Variants in GPR158 observed in about 807,000 individuals in gnomAD.
The protein encoded by GPR158 is G protein-coupled receptor 158.
GPR158 carries 30 observed loss-of-function variants against 78.2 expected under a neutral mutation model. The observed-to-expected ratio is 0.38, with a 90% confidence interval of 0.29 to 0.52. GPR158 has a LOEUF of 0.52. Ranked by LOEUF, GPR158 falls within the 20% of genes least tolerant of loss-of-function variation. The pLI, the probability that GPR158 is intolerant of heterozygous loss-of-function variation, is 0.83. For missense variants in GPR158, 1,463 were observed against 1,523.5 expected, an observed-to-expected ratio of 0.96 and a Z score of 0.66; for synonymous variants, 581 against 591.1, an observed-to-expected ratio of 0.98 and a Z score of 0.25.
chr10:25,364,041 TATA>T (rs1855681474), intron 2 of GPR158, among the ~76,000 whole-genome samples: 1 of 151,936 alleles, frequency 6.6e-6, no homozygotes, highest in South Asian at 2.1e-4. Context: ...ATGCCTAGCG[TATA>T]ATAAGCACCA....
At chr10:25,588,346 C>T (rs1038706181) in intron 7 of GPR158, among the ~76,000 whole-genome samples, 1 of 152,148 alleles carries the variant, frequency 6.6e-6, no homozygotes, top group Admixed American at 6.5e-5. Flanking sequence ...CTGAAGTCCT[C>T]GTTCTTAGCT....
At chr10:25,312,708 T>C (rs1029704240) in intron 2 of GPR158, among the ~76,000 whole-genome samples, 9 of 152,160 alleles carry the variant, frequency 5.9e-5, no homozygotes, top group Non-Finnish European at 1.3e-4. Flanking sequence ...TTTGTTGAAC[T>C]GAATATTAAA....
intron 5 of GPR158, among the ~76,000 whole-genome samples, chr10:25,469,783 CAAAAA>C (rs34432893): frequency 4.2e-5 from 2 of 47,374 alleles, no homozygotes; most frequent in Non-Finnish European, 7.7e-5. Flanking sequence ...GACTCCATCT[CAAAAA>C]AAAAAAAAAA....
At chr10:25,318,667 T>C (rs906834697) in intron 2 of GPR158, among the ~76,000 whole-genome samples, 9 of 152,222 alleles carry the variant, frequency 5.9e-5, no homozygotes, top group Non-Finnish European at 7.3e-5. Flanking sequence ...GCTTCATTTA[T>C]TCTTACTGTT....
In GPR158 at chr10:25,598,434, A is replaced by G. The variant is rs761275479; in HGVS notation, c.2808A>G (p.Pro936=). ...GCACTAAATCCCAGAAACCTTTGCC[A>G]AAAGATAAAGAGACAAACAGAAATC... is the stretch of plus-strand genomic sequence containing the variant. The part of the protein sequence containing the change: ...EERTKSQKPL[P]KDKETNRNHS... Residue 936 remains proline, a synonymous_variant, in exon 11 of 11, where the codon CCA becomes CCG. Transcript: ENST00000376351. 1.4e-5 allele frequency: 22 copies of G among 1,614,018 alleles called. No individual in the cohort carries two copies. In the East Asian group the frequency reaches 4.7e-4, roughly 34 times the overall value.
At chr10:25,303,933 G>T (rs747858943) in intron 2 of GPR158, among the ~76,000 whole-genome samples, 1 of 152,172 alleles carries the variant, frequency 6.6e-6, no homozygotes, top group Non-Finnish European at 1.5e-5. Context: ...AGTCAAGAAT[G>T]TAAATTCCTA....
intron 5 of GPR158, among the ~76,000 whole-genome samples, chr10:25,479,041 A>G (rs1202720922): frequency 2.0e-5 from 3 of 151,758 alleles, no homozygotes; most frequent in African/African-American, 7.3e-5. Flanking sequence ...AATCCAATCT[A>G]TCATTGATGG....
chr10:25,448,986 ATATTT>A (rs1241121137), intron 4 of GPR158, among the ~76,000 whole-genome samples: 1 of 152,196 alleles, frequency 6.6e-6, no homozygotes, highest in Non-Finnish European at 1.5e-5. Flanking sequence ...TAATATGAAA[ATATTT>A]TATAGTATGT....
Position 25,250,725 on chromosome 10 carries a change from A to G in GPR158, c.1008+29568A>G, listed in dbSNP as rs969238103. ...TTTTACATTTACTGAGGAGAGCTTTACTTCCAAGTATGTGGTCAGTTTTGG... is the reference window on the plus strand; with the variant it reads ...TTTTACATTTACTGAGGAGAGCTTTGCTTCCAAGTATGTGGTCAGTTTTGG... On this transcript the variant is annotated intron_variant, in intron 2 of 10. Coordinates refer to ENST00000376351, the MANE Select transcript of GPR158 (RefSeq NM_020752.3). Among the ~76,000 whole-genome samples the G allele has an allele frequency of 2.1e-5, 3 of 142,318 alleles. 1 individual carries two copies. The highest frequency in any genetic ancestry group is 3.0e-5 in the Non-Finnish European group (2 of 65,848). The allele number at this position is 142,318 out of a possible 152,430, so 93.4% of individuals were successfully genotyped here. A position where few individuals can be genotyped will look rare whatever the true frequency, so the allele number is the denominator to read the frequency against.
At chr10:25,233,893 A>G (rs1431567942) in intron 2 of GPR158, among the ~76,000 whole-genome samples, 3 of 152,216 alleles carry the variant, frequency 2.0e-5, no homozygotes, top group African/African-American at 7.2e-5. Context: ...ATGTAAAACA[A>G]TGACCCTCTT....
intron 2 of GPR158, among the ~76,000 whole-genome samples, chr10:25,249,038 G>T (rs1405044948): frequency 6.6e-6 from 1 of 151,564 alleles, no homozygotes; most frequent in Non-Finnish European, 1.5e-5. Flanking sequence ...CACATCCCTT[G>T]TAAGTTGGAT....
intron 2 of GPR158, among the ~76,000 whole-genome samples, chr10:25,234,238 T>C (rs1853492959): frequency 6.6e-6 from 1 of 152,178 alleles, no homozygotes; most frequent in Admixed American, 6.6e-5. Flanking sequence ...ACTGGCAGAC[T>C]TTTATAACTC....
In GPR158 at chr10:25,464,581, G is replaced by A. The variant is rs149324412; in HGVS notation, c.1336-2070G>A. 7.6e-3 allele frequency among the ~76,000 whole-genome samples: 1,157 copies of A among 152,228 alleles called. 18 individuals are homozygous for A. Among genetic ancestry groups the A allele is most frequent in the African/African-American group, 0.025 (1,043 of 41,524 alleles). The stretch of plus-strand genomic sequence containing the variant: ...TAATAAGGTAAAGATTAAAATACCC[G>A]TTTTATGGGTGAGACCATTGAAGTT... On this transcript the variant is annotated intron_variant, in intron 4 of 10. Transcript: ENST00000376351.
intron 7 of GPR158, among the ~76,000 whole-genome samples, chr10:25,578,540 A>G (rs899458779): frequency 6.6e-6 from 1 of 152,236 alleles, no homozygotes. Context: ...CCATTTTATG[A>G]AACTCTACCT....
intron 5 of GPR158, among the ~76,000 whole-genome samples, chr10:25,549,659 T>C (rs548623343): frequency 6.6e-6 from 1 of 152,316 alleles, no homozygotes; most frequent in Non-Finnish European, 1.5e-5. Context: ...CACCTATTTT[T>C]ACCTTTCTTT....
chr10:25,325,226 G>A (rs1241570088), intron 2 of GPR158, among the ~76,000 whole-genome samples: 1 of 152,032 alleles, frequency 6.6e-6, no homozygotes, highest in Non-Finnish European at 1.5e-5. Flanking sequence ...GAAAGGGAGA[G>A]GATTCGAGCA....
At chr10:25,448,314 T>C (rs1411655121) in intron 4 of GPR158, among the ~76,000 whole-genome samples, 3 of 151,992 alleles carry the variant, frequency 2.0e-5, no homozygotes, top group African/African-American at 7.2e-5. Context: ...ATGGTCTCGA[T>C]CTTCTGACCT....
intron 2 of GPR158, among the ~76,000 whole-genome samples, chr10:25,289,254 G>T (rs1191685009): frequency 1.3e-5 from 2 of 152,120 alleles, no homozygotes; most frequent in East Asian, 3.9e-4. Context: ...AATTTGTGGT[G>T]GGTCTAGTAT....
intron 2 of GPR158, among the ~76,000 whole-genome samples, chr10:25,272,562 G>T (rs1029560610): frequency 6.6e-6 from 1 of 152,122 alleles, no homozygotes; most frequent in African/African-American, 2.4e-5. Context: ...GAAAGACAGA[G>T]AAATGTCAGC....
Sources: gnomAD v4.1 joint callset for allele counts (sites outside exome capture counted in the v4.1 genomes callset) on GRCh38, gnomAD v4.1.1 for gene constraint, MANE v1.5 for transcripts, NCBI Gene and HGNC (gene_info 2026-07-23, HGNC 2026-07-21) for gene names.